Variants in DYNC2I2 observed in about 807,000 individuals in gnomAD.
DYNC2I2 encodes cytoplasmic dynein 2 intermediate chain 2.
In DYNC2I2, 39 loss-of-function variants were observed where a neutral mutation model predicts 52.0. The observed-to-expected ratio is 0.75, with a 90% CI of 0.58 to 0.98. DYNC2I2 has a LOEUF of 0.98. Among genes scored for constraint, DYNC2I2 ranks in the 50% least tolerant of loss-of-function variants. DYNC2I2 has a pLI of 0.00. For synonymous variants in DYNC2I2, 359 were observed against 321.1 expected, an observed-to-expected ratio of 1.12 and a Z score of -1.26; for missense variants, 743 against 728.4, an observed-to-expected ratio of 1.02 and a Z score of -0.23.
At chr9:128,664,035 G>A in the DYNC2I2 span, among the ~76,000 whole-genome samples, 5 of 137,840 alleles carry the variant, frequency 3.6e-5, no homozygotes, top group African/African-American at 1.4e-4. Flanking sequence ...TTGGCTCACC[G>A]CAAACTTCAC....
chr9:128,655,079 C>T (rs896930719), intron 1 of DYNC2I2, among the ~76,000 whole-genome samples: 9 of 151,932 alleles, frequency 5.9e-5, no homozygotes, highest in African/African-American at 2.2e-4. Flanking sequence ...AAAGTCCGCA[C>T]AGACCCCTTG....
At chr9:128,684,013 T>C in the DYNC2I2 span, 1 of 1,537,234 alleles carries the variant, frequency 6.5e-7, no homozygotes, top group South Asian at 1.2e-5. Context: ...GGGAGGTACG[T>C]TTCTGCGCTA....
chr9:128,661,330 G>GA (rs1186464320), upstream of DYNC2I2, among the ~76,000 whole-genome samples: 153 of 133,758 alleles, frequency 1.1e-3, no homozygotes, highest in African/African-American at 4.1e-3. Flanking sequence ...AAAACAAAAA[G>GA]AAAAACCAGC....
intron 1 of DYNC2I2, among the ~76,000 whole-genome samples, chr9:128,643,427 T>C (rs1312097283): frequency 6.6e-6 from 1 of 151,216 alleles, no homozygotes; most frequent in Non-Finnish European, 1.5e-5. Flanking sequence ...CTCAGGAGGC[T>C]GAGGCAGGAG....
Position 128,656,834 on chromosome 9 carries a change from T to C in DYNC2I2, c.-108A>G, listed in dbSNP as rs1200621428. 8.6e-7 allele frequency: 1 copy of C among 1,161,146 alleles called. No individual in the cohort carries two copies. The highest frequency in any genetic ancestry group is 1.1e-6 in the Non-Finnish European group (1 of 893,284). 71.9% of individuals were successfully genotyped at this position (1,161,146 alleles called of 1,614,324 possible). On this transcript the variant is annotated 5_prime_UTR_variant, in exon 1 of 9. Coordinates refer to ENST00000372715, the MANE Select transcript of DYNC2I2 (RefSeq NM_052844.4). Reference sequence around the variant, plus strand: ...TGAGGCTGACGGCGCCATGTTTGAATTGGTCGCAGCGCCTCCTGCAAGACC... The same window carrying C: ...TGAGGCTGACGGCGCCATGTTTGAACTGGTCGCAGCGCCTCCTGCAAGACC...
the DYNC2I2 span, among the ~76,000 whole-genome samples, chr9:128,668,410 C>A: frequency 6.9e-6 from 1 of 145,966 alleles, no homozygotes; most frequent in African/African-American, 2.5e-5. Context: ...GGATGGTCTC[C>A]ATCTCCTGAC....
At chr9:128,658,234 C>T (rs1860873979), upstream of DYNC2I2, among the ~76,000 whole-genome samples, 1 of 149,636 alleles carries the variant, frequency 6.7e-6, no homozygotes, top group East Asian at 2.0e-4. Flanking sequence ...GGCGTGATCT[C>T]GGCTCACAGC....
the DYNC2I2 span, among the ~76,000 whole-genome samples, chr9:128,675,799 G>C: frequency 1.3e-5 from 2 of 152,150 alleles, no homozygotes; most frequent in Admixed American, 1.3e-4. Context: ...GCCCCCAGCT[G>C]CCCTGTAGCT....
At chr9:128,646,432 C>G (rs1589434397) in intron 1 of DYNC2I2, among the ~76,000 whole-genome samples, 1 of 152,300 alleles carries the variant, frequency 6.6e-6, no homozygotes, top group East Asian at 1.9e-4. Flanking sequence ...TGGTCTCAAA[C>G]TCCTGAACCC....
chr9:128,664,271 C>T, the DYNC2I2 span, among the ~76,000 whole-genome samples: 1 of 150,888 alleles, frequency 6.6e-6, no homozygotes, highest in Non-Finnish European at 1.5e-5. Flanking sequence ...TATCCTTCCC[C>T]GATGGTCACA....
chr9:128,653,202 C>T (rs1860751984), intron 1 of DYNC2I2, among the ~76,000 whole-genome samples: 1 of 150,860 alleles, frequency 6.6e-6, no homozygotes, highest in African/African-American at 2.5e-5. Flanking sequence ...GCACTTCAGC[C>T]TGGGCAACAA....
chr9:128,647,004 A>G lies in DYNC2I2; in HGVS notation c.187-6065T>C, dbSNP rs967726876. Among the ~76,000 whole-genome samples, 4 of 152,146 alleles carry G rather than the reference A, an allele frequency of 2.6e-5. No individual in the cohort carries two copies. In the East Asian group the frequency reaches 7.7e-4, roughly 29 times the overall value. ...GCCAGGCGTGGTGGAGCGTGCCTGT[A>G]ATCCCAGCTACTTGGGAGGCAGAGG... On this transcript the variant is annotated intron_variant, in intron 1 of 8. Coordinates refer to ENST00000372715, the MANE Select transcript of DYNC2I2 (RefSeq NM_052844.4).
the DYNC2I2 span, among the ~76,000 whole-genome samples, chr9:128,672,313 C>A: frequency 6.6e-6 from 1 of 151,874 alleles, no homozygotes; most frequent in Non-Finnish European, 1.5e-5. Context: ...CCTTGTTGGC[C>A]AGGATGGTCT....
rs200687172 is a variant in DYNC2I2, at chr9:128,635,733, G to A, written c.738C>T (p.Asp246=). ...GCAGCGGGTCCTCAAGACGGCTCAG[G>A]TCCCACACCAACACCTCACCACTGT... The part of the protein sequence containing the change: ...GLYSGEVLVW[D]LSRLEDPLLW... Residue 246 remains aspartate (D), a synonymous_variant, in exon 5 of 9, where the codon GAC becomes GAT. Coordinates refer to ENST00000372715, the MANE Select transcript of DYNC2I2 (RefSeq NM_052844.4). 70 of 1,613,132 alleles carry A rather than the reference G, an allele frequency of 4.3e-5. No homozygotes were observed. The East Asian group carries it at 1.3e-3, about 29-fold the overall frequency.
the DYNC2I2 span, among the ~76,000 whole-genome samples, chr9:128,662,881 C>T: frequency 2.0e-5 from 3 of 149,542 alleles, no homozygotes; most frequent in African/African-American, 4.9e-5. Flanking sequence ...TCTTTTGAGA[C>T]GGAGTTTCTG....
chr9:128,678,671 A>G, the DYNC2I2 span, among the ~76,000 whole-genome samples: 8 of 151,590 alleles, frequency 5.3e-5, no homozygotes, highest in African/African-American at 1.9e-4. Context: ...CATGTGGGCC[A>G]GGCTGGCCTT....
chr9:128,680,145 C>CT, the DYNC2I2 span, among the ~76,000 whole-genome samples: 15 of 152,004 alleles, frequency 9.9e-5, no homozygotes, highest in Non-Finnish European at 2.1e-4. Context: ...ACCACAACCT[C>CT]TGCCTCCCGG....
Position 128,635,161 on chromosome 9 carries a change from G to T in DYNC2I2, c.912C>A (p.Gly304=). The change falls in exon 6 of 9, where the codon GGC becomes GGA. Residue 304 remains glycine, a synonymous_variant. Coordinates refer to ENST00000372715, the MANE Select transcript of DYNC2I2 (RefSeq NM_052844.4). The stretch of plus-strand genomic sequence containing the variant: ...CGAAGCCCTCTGTGAGCTGCAGCTG[G>T]CCTACCCCGATGCCCTGCCAGAGTA... ...KVLLWQGIGV[G]QLQLTEGFAL... is the part of the protein sequence containing the mutation. 6.2e-7 allele frequency: 1 copy of T among 1,613,442 alleles called. No homozygotes were observed.
rs1247576641 is a variant in DYNC2I2 at position 128,635,204 on chromosome 9, G to A, written c.869C>T (p.Ala290Val). ...CCAGAGTAGCACCTTCCCGTCGGTG[G>A]CCACACTCAGCACCTGGAAGCGGTG... is the stretch of plus-strand genomic sequence containing the variant. ...HSHRFQVLSV[A>V]TDGKVLLWQG... Residue 290 changes from alanine (A) to valine (V), a missense_variant, in exon 6 of 9, where the codon GCC becomes GTC. Physicochemically the swap from Ala to Val is moderately conservative, Grantham distance 64. Transcript: ENST00000372715. 6.2e-7 allele frequency: 1 copy of A among 1,613,276 alleles called. No individual in the cohort carries two copies. The highest frequency in any genetic ancestry group is 1.7e-5 in the Admixed American group (1 of 60,012).
Sources: gnomAD v4.1 joint callset for allele counts (sites outside exome capture counted in the v4.1 genomes callset) on GRCh38, gnomAD v4.1.1 for gene constraint, MANE v1.5 for transcripts, NCBI Gene and HGNC (gene_info 2026-07-23, HGNC 2026-07-21) for gene names.